Variants in PNMA5 observed in about 807,000 individuals in gnomAD.
PNMA5 encodes PNMA family member 5, also known as paraneoplastic antigen-like protein 5.
For synonymous variants in PNMA5, 138 were observed against 137.9 expected (o/e 1.00, Z 0.00); for missense variants, 334 against 356.6 (o/e 0.94, Z 0.51).
chrX:152,990,290 C>A lies in PNMA5; in HGVS notation c.1309G>T (p.Ala437Ser). The change falls in exon 4 of 4, where the codon GCT (alanine) becomes TCT (serine). Residue 437 changes from alanine (A) to serine (S), a missense_variant. Transcript: ENST00000535214. ...AGEELGNEAG[A>S]GAMSHPKPWE... ...GGCTTGGGATGGCTCATGGCCCCAG[C>A]CCCTGCCTCGTTTCCCAACTCCTCT... 8.8e-7 allele frequency: 1 copy of A among 1,130,383 alleles called. No homozygotes were observed. The highest frequency in any genetic ancestry group is 3.1e-5 in the East Asian group (1 of 31,894). The allele number at this position is 1,130,383 out of a possible 1,213,427, so 93.2% of individuals were successfully genotyped here.
At chrX:152,991,770 CGCCCCCAAGCACCCCTCCTCT>C (rs2050909681) in intron 3 of PNMA5, 49 bp from the exon 4 acceptor site, 1 of 633,143 alleles carries the variant, frequency 1.6e-6, no homozygotes, top group Non-Finnish European at 2.2e-6. Context: ...CCCCAACCTA[CGCCCCCAAGCACCCCTCCTCT>C]GCCCCCACCC....
chrX:152,990,126 T>G lies in PNMA5; in HGVS notation c.*126A>C. 2 of 1,017,125 alleles carry G rather than the reference T, an allele frequency of 2.0e-6. No homozygotes were observed. Among genetic ancestry groups the G allele is most frequent in the Non-Finnish European group, 2.5e-6 (2 of 793,868 alleles). 83.8% of individuals were successfully genotyped at this position (1,017,125 alleles called of 1,213,427 possible). A position where few individuals can be genotyped will look rare whatever the true frequency, so the allele number is the denominator to read the frequency against. On this transcript the variant is annotated 3_prime_UTR_variant, in exon 4 of 4. Transcript: ENST00000535214. ...CCAGCTGGTGGAAAGTAAGGGGGCT[T>G]GATCTCGACCTGGCTTCCCTGTCCC...
intron 3 of PNMA5, 82 bp from the exon 4 acceptor site, chrX:152,991,803 C>T (rs782115633): frequency 2.3e-6 from 1 of 443,368 alleles, no homozygotes; most frequent in African/African-American, 2.6e-5. Flanking sequence ...CCCCCACCCC[C>T]AAGCAGGGAT....
chrX:152,990,919 C>G lies in PNMA5; in HGVS notation c.680G>C (p.Cys227Ser), dbSNP rs145599651. 8.3e-7 allele frequency: 1 copy of G among 1,201,837 alleles called. No individual in the cohort carries two copies. Among genetic ancestry groups the G allele is most frequent in the Non-Finnish European group, 1.1e-6 (1 of 891,488 alleles). ...AAAGATCTGCTTTAGGGCGTCAAGGCACTGCTCCACAGTTATGGAGTCATT... is the reference window on the plus strand; with the variant it reads ...AAAGATCTGCTTTAGGGCGTCAAGGGACTGCTCCACAGTTATGGAGTCATT... ...ANNDSITVEQ[C>S]LDALKQIFGD... The change falls in exon 4 of 4, where the codon TGC becomes TCC. Residue 227 changes from cysteine (C) to serine (S), a missense_variant. Transcript: ENST00000535214.
At chrX:152,992,129 G>C (rs1282854443) in intron 2 of PNMA5, 152 bp from the exon 3 acceptor site, 1 of 113,316 alleles carries the variant, frequency 8.8e-6, no homozygotes. Context: ...TGGAGTGAAG[G>C]CTGGCAGCAA....
Position 152,990,855 on chromosome X carries a change from A to G in PNMA5, c.744T>C (p.Phe248=). The change falls in exon 4 of 4, where the codon TTT becomes TTC. Residue 248 remains phenylalanine, a synonymous_variant. Coordinates refer to ENST00000535214, the MANE Select transcript of PNMA5 (RefSeq NM_001184924.2). ...KEDFRASQFR[F]LQTSPKIGEK... The stretch of plus-strand genomic sequence containing the variant: ...CTCCAATCTTCGGAGAGGTCTGCAG[A>G]AACCTAAACTGAGAGGCTCTAAAGT... 3 of 1,208,226 alleles carry G rather than the reference A, an allele frequency of 2.5e-6. No homozygotes were observed. Among genetic ancestry groups the G allele is most frequent in the Non-Finnish European group, 3.4e-6 (3 of 894,418 alleles).
chrX:152,989,590 GCTC>G lies in PNMA5; in HGVS notation c.*659_*661del, dbSNP rs1203297841. 4 of 94,069 alleles carry G rather than the reference GCTC, an allele frequency of 4.3e-5. No individual in the cohort carries two copies. Among genetic ancestry groups the G allele is most frequent in the African/African-American group, 1.7e-4 (4 of 24,199 alleles). 7.8% of individuals were successfully genotyped at this position (94,069 alleles called of 1,213,427 possible). On this transcript the variant is annotated 3_prime_UTR_variant, in exon 4 of 4. Transcript: ENST00000535214. The stretch of plus-strand genomic sequence containing the variant: ...TCCTTCTCCTCCCCCTCTTCCTCCT[GCTC>G]CTCCTTATTCTCCTCTTCCTCCTCC...
Position 152,991,390 on chromosome X carries a change from G to A in PNMA5, c.209C>T (p.Ala70Val). The change falls in exon 4 of 4, where the codon GCT (alanine) becomes GTT (valine). Residue 70 changes from alanine to valine, a missense_variant. Coordinates refer to ENST00000535214, the MANE Select transcript of PNMA5 (RefSeq NM_001184924.2). Reference protein sequence around the residue: ...DNAKAVFIELADTVNYTTLPS... With the variant: ...DNAKAVFIELVDTVNYTTLPS... Reference sequence around the variant, plus strand: ...CAGAGTAGTGTAATTGACAGTGTCAGCCAGTTCAATGAAGACTGCCTTGGC... The same window carrying A: ...CAGAGTAGTGTAATTGACAGTGTCAACCAGTTCAATGAAGACTGCCTTGGC... 8.3e-7 allele frequency: 1 copy of A among 1,197,885 alleles called. No individual in the cohort carries two copies. Among genetic ancestry groups the A allele is most frequent in the Non-Finnish European group, 1.1e-6 (1 of 888,783 alleles).
Position 152,990,219 on chromosome X carries a change from T to C in PNMA5, c.*33A>G. 1 of 1,062,161 alleles carries C rather than the reference T, an allele frequency of 9.4e-7. No homozygotes were observed. Among genetic ancestry groups the C allele is most frequent in the Non-Finnish European group, 1.2e-6 (1 of 820,876 alleles). The allele number at this position is 1,062,161 out of a possible 1,213,427, so 87.5% of individuals were successfully genotyped here. ...CCCTTGTTCAAATGTCCCTGCTGCC[T>C]GCCAGGGGAAGGAGTGCTTCGGTCT... On this transcript the variant is annotated 3_prime_UTR_variant, in exon 4 of 4. Transcript: ENST00000535214.
At position 152,991,237 on chromosome X, in the gene PNMA5, G is replaced by T; in HGVS notation, c.362C>A (p.Ala121Asp). The T allele has an allele frequency of 8.3e-7, 1 of 1,200,062 alleles. No homozygotes were observed. The highest frequency in any genetic ancestry group is 1.1e-6 in the Non-Finnish European group (1 of 889,848). The change falls in exon 4 of 4, where the codon GCC (alanine) becomes GAC (aspartate). Residue 121 changes from alanine (A) to aspartate (D), a missense_variant. Coordinates refer to ENST00000535214, the MANE Select transcript of PNMA5 (RefSeq NM_001184924.2). ...KDEGRSMTDV[A>D]RALGCCSLPA... ...GAGGCTGCAACATCCCAGGGCTCTG[G>T]CCACATCTGTCATACTTCGGCCCTC... is the stretch of plus-strand genomic sequence containing the variant.
At position 152,991,351 on chromosome X, in the gene PNMA5, G is replaced by C; in HGVS notation, c.248C>G (p.Pro83Arg). The stretch of plus-strand genomic sequence containing the variant: ...CACTTCCCAGGAGCCACCCTTTCCT[G>C]GTATGTGACTGGGCAGAGTAGTGTA... ...VNYTTLPSHI[P>R]GKGGSWEVVV... Residue 83 changes from proline (P) to arginine (R), a missense_variant, in exon 4 of 4, where the codon CCA (proline) becomes CGA (arginine). Pro to Arg is a moderately radical substitution (Grantham distance 103). Coordinates refer to ENST00000535214, the MANE Select transcript of PNMA5 (RefSeq NM_001184924.2). The C allele has an allele frequency of 3.3e-6, 4 of 1,207,074 alleles. No homozygotes were observed. Among genetic ancestry groups the C allele is most frequent in the Non-Finnish European group, 4.5e-6 (4 of 893,580 alleles).
chrX:152,991,557 G>A lies in PNMA5; in HGVS notation c.42C>T (p.Asp14=). 2.5e-6 allele frequency: 3 copies of A among 1,180,568 alleles called. No homozygotes were observed. Among genetic ancestry groups the A allele is most frequent in the Non-Finnish European group, 2.3e-6 (2 of 880,946 alleles). Residue 14 remains aspartate, a synonymous_variant, in exon 4 of 4, where the codon GAC becomes GAT. Transcript: ENST00000535214. ...TLLEDWCKGM[D]MDPRKALLIV... is the part of the protein sequence containing the mutation. ...TCAGCAGGGCCTTTCTGGGGTCCAT[G>A]TCCATCCCCTTGCACCAATCCTCTA...
rs182731711 is a variant in PNMA5, at chrX:152,993,060, C to A, written c.-329-274G>T. On this transcript the variant is annotated intron_variant, in intron 1 of 3. Transcript: ENST00000535214. The stretch of plus-strand genomic sequence containing the variant: ...TCCTAAGGTAAGGTTGCTGCCCTAC[C>A]CCCACTGCAAACTCCATTCCCTCCC... Among the ~76,000 whole-genome samples, 9 of 108,195 alleles carry A rather than the reference C, an allele frequency of 8.3e-5. No individual in the cohort carries two copies. The East Asian group carries it at 2.6e-3, about 32-fold the overall frequency. 94.0% of individuals were successfully genotyped at this position (108,195 alleles called of 115,157 possible). A position where few individuals can be genotyped will look rare whatever the true frequency, so the allele number is the denominator to read the frequency against.
In PNMA5 at chrX:152,990,659, A is replaced by G. The variant is rs781928740; in HGVS notation, c.940T>C (p.Cys314Arg). 5.1e-6 allele frequency: 6 copies of G among 1,175,505 alleles called. No individual in the cohort carries two copies. The East Asian group carries it at 1.8e-4, about 35-fold the overall frequency. The change falls in exon 4 of 4, where the codon TGT (cysteine) becomes CGT (arginine). Residue 314 changes from cysteine to arginine, a missense_variant. Physicochemically the swap from Cys to Arg is radical, Grantham distance 180 (BLOSUM62 -3). Transcript: ENST00000535214. ...ATTAACTCCAGAAAATTGGGAGGACACCCTCGCTGATCCAAGAGCTCCAGC... is the reference window on the plus strand; with the variant it reads ...ATTAACTCCAGAAAATTGGGAGGACGCCCTCGCTGATCCAAGAGCTCCAGC... ...GKLELLDQRG[C>R]PPNFLELMKL...
rs1556924487 is a variant in PNMA5, at chrX:152,991,181, G to A, written c.418C>T (p.Pro140Ser). 1.7e-6 allele frequency: 2 copies of A among 1,205,095 alleles called. No individual in the cohort carries two copies. Among genetic ancestry groups the A allele is most frequent in the African/African-American group, 3.5e-5 (2 of 57,710 alleles). The change falls in exon 4 of 4, where the codon CCC (proline) becomes TCC (serine). Residue 140 changes from proline to serine, a missense_variant. Pro to Ser is a moderately conservative substitution (Grantham distance 74). Transcript: ENST00000535214. The stretch of plus-strand genomic sequence containing the variant: ...TCTAAAGGTGGGGATCTAACTTGGG[G>A]CATGACCTCTGCATCCAGGCTCTCG... ...PAESLDAEVM[P>S]QVRSPPLEPP...
chrX:152,993,055 C>G (rs2050920708), intron 1 of PNMA5, among the ~76,000 whole-genome samples: 1 of 107,800 alleles, frequency 9.3e-6, no homozygotes, highest in Non-Finnish European at 1.9e-5. Flanking sequence ...AGGTTGCTGC[C>G]CTACCCCCAC....
rs972653455 is a variant in PNMA5, at chrX:152,990,841, G to A, written c.758C>T (p.Pro253Leu). ...AGTGGAGACTTTCTCTCCAATCTTC[G>A]GAGAGGTCTGCAGAAACCTAAACTG... is the stretch of plus-strand genomic sequence containing the variant. ...ASQFRFLQTSPKIGEKVSTFL... is the reference protein window; with the variant it reads ...ASQFRFLQTSLKIGEKVSTFL... The change falls in exon 4 of 4, where the codon CCG becomes CTG. Residue 253 changes from proline (P) to leucine (L), a missense_variant. By Grantham distance (98) the Pro-to-Leu change is moderately conservative. Coordinates refer to ENST00000535214, the MANE Select transcript of PNMA5 (RefSeq NM_001184924.2). 1.9e-5 allele frequency: 23 copies of A among 1,203,839 alleles called. No individual in the cohort carries two copies. Among genetic ancestry groups the A allele is most frequent in the Middle Eastern group, 4.6e-4 (2 of 4,333 alleles).
rs1421741296 is a variant in PNMA5 at position 152,990,199 on chromosome X, G to C, written c.*53C>G. On this transcript the variant is annotated 3_prime_UTR_variant, in exon 4 of 4. Transcript: ENST00000535214. ...TTAGTGTAAGCTGCCCCTTCCCCTTGTTCAAATGTCCCTGCTGCCTGCCAG... is the reference window on the plus strand; with the variant it reads ...TTAGTGTAAGCTGCCCCTTCCCCTTCTTCAAATGTCCCTGCTGCCTGCCAG... 1.9e-6 allele frequency: 2 copies of C among 1,059,529 alleles called. No individual in the cohort carries two copies. The highest frequency in any genetic ancestry group is 3.8e-5 in the African/African-American group (2 of 52,411). The allele number at this position is 1,059,529 out of a possible 1,213,427, so 87.3% of individuals were successfully genotyped here.
rs1556924242 is a variant in PNMA5 at position 152,990,548 on chromosome X, C to T, written c.1051G>A (p.Ala351Thr). Reference sequence around the variant, plus strand: ...TCTGCTCTTGCCTGTCTACCGGAGGCCCCCCGGCCTCTCCCTGATGGCTTC... The same window carrying T: ...TCTGCTCTTGCCTGTCTACCGGAGGTCCCCCGGCCTCTCCCTGATGGCTTC... ...KEKPSGRGRG[A>T]SGRQARAEAS... Residue 351 changes from alanine (A) to threonine (T), a missense_variant, in exon 4 of 4, where the codon GCC (alanine) becomes ACC (threonine). Ala to Thr is a moderately conservative substitution (Grantham distance 58, BLOSUM62 0). Transcript: ENST00000535214. 3 of 1,200,583 alleles carry T rather than the reference C, an allele frequency of 2.5e-6. No homozygotes were observed. The highest frequency in any genetic ancestry group is 3.7e-5 in the South Asian group (2 of 54,658).
Sources: allele counts gnomAD v4.1 joint callset (sites outside exome capture counted in the v4.1 genomes callset), GRCh38; gene constraint gnomAD v4.1.1; transcripts MANE v1.5; gene names NCBI Gene and HGNC (gene_info 2026-07-23, HGNC 2026-07-21).